NARS1: variants seen among roughly 807,000 people sequenced by gnomAD.
NARS1 encodes the protein asparaginyl-tRNA synthetase 1.
In NARS1, 65 loss-of-function variants were observed where a neutral mutation model predicts 79.2. The observed-to-expected ratio is 0.82, with a 90% confidence interval of 0.67 to 1.01. The LOEUF (loss-of-function observed/expected upper bound fraction) is 1.01. NARS1 is among the 50% of genes least tolerant of loss of function. NARS1 has a pLI of 0.00. For missense variants in NARS1, 649 were observed against 673.8 expected (o/e 0.96, Z 0.41); for synonymous variants, 229 against 238.8 (o/e 0.96, Z 0.38).
chr18:57,615,808 A>G lies in NARS1; in HGVS notation c.252+9T>C, dbSNP rs1907997438. ...TAACAACGTTCACGATGGCAAGGTC[A>G]GGACTCACCTCTTTCTTTTCCCGGG... On this transcript the variant is annotated intron_variant, in intron 3 of 13. Coordinates refer to ENST00000256854, the MANE Select transcript of NARS1 (RefSeq NM_004539.4). 6.2e-7 allele frequency: 1 copy of G among 1,611,804 alleles called. No individual in the cohort carries two copies. Among genetic ancestry groups the G allele is most frequent in the Non-Finnish European group, 8.5e-7 (1 of 1,179,296 alleles).
intron 12 of NARS1, 140 bp from the exon 13 acceptor site, chr18:57,602,626 C>T (rs2051518592): frequency 8.1e-7 from 1 of 1,235,114 alleles, no homozygotes; most frequent in Non-Finnish European, 1.1e-6. Context: ...CAAATGTTTA[C>T]ATTTCTCTAA....
At chr18:57,617,516 G>A (rs1308804339) in intron 2 of NARS1, among the ~76,000 whole-genome samples, 2 of 146,630 alleles carry the variant, frequency 1.4e-5, no homozygotes, top group African/African-American at 2.5e-5. Flanking sequence ...AGCTTGCAGT[G>A]AGCCGAGATC....
rs1267057035 is a variant in NARS1, at chr18:57,611,836, C to T, written c.422-129G>A. The T allele has an allele frequency of 1.9e-5, 7 of 362,150 alleles. No homozygotes were observed. In the East Asian group the frequency reaches 2.5e-4, roughly 13 times the overall value. 22.4% of individuals were successfully genotyped at this position (362,150 alleles called of 1,614,324 possible). On this transcript the variant is annotated intron_variant, in intron 5 of 13. Transcript: ENST00000256854. ...AGAGTGCAGTGGCACAATCACAGCTCGCTGCAGCCTCTACCTCCTGGGCTC... is the reference window on the plus strand; with the variant it reads ...AGAGTGCAGTGGCACAATCACAGCTTGCTGCAGCCTCTACCTCCTGGGCTC...
chr18:57,602,544 T>A, intron 12 of NARS1, 58 bp from the exon 13 acceptor site: 1 of 1,569,762 alleles, frequency 6.4e-7, no homozygotes, highest in Non-Finnish European at 8.7e-7. Context: ...GACACAGCAC[T>A]GCCCTAGAGT....
intron 7 of NARS1, 97 bp from the exon 8 acceptor site, chr18:57,607,762 C>T: frequency 1.9e-6 from 2 of 1,054,874 alleles, no homozygotes; most frequent in Non-Finnish European, 2.7e-6. Flanking sequence ...TTTTGGTAAG[C>T]TGAGATTTTT....
chr18:57,615,652 C>A lies in NARS1; in HGVS notation c.331G>T (p.Glu111Ter). Residue 111 changes from glutamate to a stop codon, truncating the protein, a stop_gained, in exon 4 of 14, where the codon GAG (glutamate) becomes TAG (stop). Coordinates refer to ENST00000256854, the MANE Select transcript of NARS1 (RefSeq NM_004539.4). LOFTEE classifies it high-confidence loss of function. ...ITIKNDPSLP[E>*]PKCVKIGALE... The stretch of plus-strand genomic sequence containing the variant: ...ATAAACAAACTTACACATTTTGGCT[C>A]TGGGAGACTTGGATCATTTTTAATG... 1 of 1,610,486 alleles carries A rather than the reference C, an allele frequency of 6.2e-7. No individual in the cohort carries two copies. The highest frequency in any genetic ancestry group is 8.5e-7 in the Non-Finnish European group (1 of 1,177,402).
chr18:57,609,411 C>G lies in NARS1; in HGVS notation c.525G>C (p.Thr175=), dbSNP rs369416187. 6.2e-7 allele frequency: 1 copy of G among 1,613,876 alleles called. No individual in the cohort carries two copies. The highest frequency in any genetic ancestry group is 1.7e-5 in the Admixed American group (1 of 59,948). The change falls in exon 7 of 14, where the codon ACG becomes ACC. Residue 175 remains threonine, a synonymous_variant. Coordinates refer to ENST00000256854, the MANE Select transcript of NARS1 (RefSeq NM_004539.4). The part of the protein sequence containing the change: ...CQCYNGVLLS[T]ESSVAVYGML... ...TTCCATACACTGCAACACTGCTCTC[C>G]GTGGACAAGAGAACTCCATTGTAGC...
chr18:57,620,631 G>C lies in NARS1; in HGVS notation c.31C>G (p.Arg11Gly). Residue 11 changes from arginine (R) to glycine (G), a missense_variant, in exon 2 of 14, where the codon CGA becomes GGA. By Grantham distance (125) the Arg-to-Gly change is moderately radical. Coordinates refer to ENST00000256854, the MANE Select transcript of NARS1 (RefSeq NM_004539.4). MVLAELYVSD[R>G]EGSDATGDGT... ...TCTCCCGTGGCATCGCTTCCCTCTC[G>C]GTCAGAGACGTACAGCTCTGCTGTT... 6.2e-7 allele frequency: 1 copy of C among 1,613,236 alleles called. No individual in the cohort carries two copies. The highest frequency in any genetic ancestry group is 8.5e-7 in the Non-Finnish European group (1 of 1,179,452).
At position 57,615,706 on chromosome 18, in the gene NARS1, TTTCTC is replaced by T; in HGVS notation, c.272_276del (p.Arg91LysfsTer12). ...ATCTTCTTTGCTTCTTCCAGGTTCT[TTTCTC>T]TTCGTAAACTATCTTCTGCCTAATT... On this transcript the variant is annotated frameshift_variant, in exon 4 of 14. Coordinates refer to ENST00000256854, the MANE Select transcript of NARS1 (RefSeq NM_004539.4). LOFTEE classifies it high-confidence loss of function. 8 of 1,613,260 alleles carry T rather than the reference TTTCTC, an allele frequency of 5.0e-6. No homozygotes were observed. The highest frequency in any genetic ancestry group is 6.8e-6 in the Non-Finnish European group (8 of 1,179,712).
chr18:57,619,751 G>A (rs1162310989), intron 2 of NARS1, among the ~76,000 whole-genome samples: 5 of 151,892 alleles, frequency 3.3e-5, no homozygotes, highest in Non-Finnish European at 7.4e-5. Flanking sequence ...GTGCAGTGGC[G>A]CAATGGTGGC....
chr18:57,621,664 G>A (rs1908309908), intron 1 of NARS1, 44 bp downstream of exon 1: 1 of 1,581,876 alleles, frequency 6.3e-7, no homozygotes, highest in African/African-American at 1.3e-5. Context: ...CAGAGTTCCT[G>A]CCCCAGGCAG....
intron 11 of NARS1, 110 bp downstream of exon 11, chr18:57,605,747 C>T: frequency 1.4e-6 from 1 of 713,614 alleles, no homozygotes; most frequent in Non-Finnish European, 2.4e-6. Context: ...CTGCTGTTAC[C>T]ATTTATTTGA....
In NARS1 at chr18:57,619,327, A is replaced by G. The variant is rs541580845; in HGVS notation, c.93+1242T>C. 1.1e-3 allele frequency among the ~76,000 whole-genome samples: 163 copies of G among 142,960 alleles called. 1 individual carries two copies. Among genetic ancestry groups the G allele is most frequent in the African/African-American group, 4.1e-3 (156 of 38,256 alleles). The allele number at this position is 142,960 out of a possible 152,430, so 93.8% of individuals were successfully genotyped here. A position where few individuals can be genotyped will look rare whatever the true frequency, so the allele number is the denominator to read the frequency against. On this transcript the variant is annotated intron_variant, in intron 2 of 13. Coordinates refer to ENST00000256854, the MANE Select transcript of NARS1 (RefSeq NM_004539.4). ...TGTGATGGCTCACTCCTATAAACCC[A>G]GCACTTTGGGAGGGTTAATATCCTG...
At position 57,621,759 on chromosome 18, in the gene NARS1, A is replaced by C; in HGVS notation, c.-42T>G. ...GTCACCTCCAAGGACACAGACTGCA[A>C]CACCGACGCCGTCTTATGACTCCAA... On this transcript the variant is annotated 5_prime_UTR_variant, in exon 1 of 14. Coordinates refer to ENST00000256854, the MANE Select transcript of NARS1 (RefSeq NM_004539.4). 6.2e-7 allele frequency: 1 copy of C among 1,613,822 alleles called. No homozygotes were observed. Among genetic ancestry groups the C allele is most frequent in the Non-Finnish European group, 8.5e-7 (1 of 1,179,984 alleles).
intron 6 of NARS1, among the ~76,000 whole-genome samples, chr18:57,610,558 T>C (rs8086923): frequency 0.018 from 2,780 of 152,246 alleles, 80 homozygotes; most frequent in African/African-American, 0.055. Context: ...CATGAAGTAG[T>C]TGTGCCAAAA....
At chr18:57,613,533 G>GT (rs1485738938) in intron 5 of NARS1, 69 bp downstream of exon 5, 40 of 1,351,482 alleles carry the variant, frequency 3.0e-5, no homozygotes, top group Admixed American at 1.4e-4. Flanking sequence ...GCAAATCTTT[G>GT]TATGTTTTTC....
At chr18:57,614,274 GCAGATCACC>G (rs2051628810) in intron 4 of NARS1, among the ~76,000 whole-genome samples, 1 of 152,194 alleles carries the variant, frequency 6.6e-6, no homozygotes, top group South Asian at 2.1e-4. Context: ...GCTAAGGAGG[GCAGATCACC>G]TGAGGTCAGG....
chr18:57,621,274 T>C (rs1908290041), intron 1 of NARS1, among the ~76,000 whole-genome samples: 1 of 150,098 alleles, frequency 6.7e-6, no homozygotes, highest in African/African-American at 2.5e-5. Context: ...TTTTTTTTCC[T>C]ACTGCACAGT....
chr18:57,616,008 G>A, intron 2 of NARS1, 33 bp from the exon 3 acceptor site: 1 of 1,540,764 alleles, frequency 6.5e-7, no homozygotes, highest in East Asian at 2.2e-5. Flanking sequence ...GACAGTTCTT[G>A]AACATTGTAC....
Sources: gnomAD v4.1 joint callset for allele counts (sites outside exome capture counted in the v4.1 genomes callset) on GRCh38, gnomAD v4.1.1 for gene constraint, MANE v1.5 for transcripts, NCBI Gene and HGNC (gene_info 2026-07-23, HGNC 2026-07-21) for gene names.